WWOX: variants seen among roughly 807,000 people sequenced by gnomAD.
The protein encoded by WWOX is WW domain-containing oxidoreductase.
A neutral mutation model predicts 46.2 loss-of-function variants in WWOX; 69 were observed. The ratio of observed to expected loss-of-function variants is 1.49; its 90% CI spans 1.23 to 1.82. WWOX has a LOEUF of 1.82. Ranked by LOEUF, WWOX falls within the 40% of genes most tolerant of loss-of-function variation. The probability of loss-of-function intolerance (pLI) is 0.00; values close to 1 mark genes in which losing one functional copy is unlikely to be tolerated. For missense variants in WWOX, 919 were observed against 542.6 expected (o/e 1.69, Z -6.89); for synonymous variants, 359 against 202.6 (o/e 1.77, Z -6.56).
At chr16:78,673,387 C>T (rs900858355) in intron 8 of WWOX, among the ~76,000 whole-genome samples, 1 of 152,162 alleles carries the variant, frequency 6.6e-6, no homozygotes, top group Non-Finnish European at 1.5e-5. Context: ...GTTTATTCTC[C>T]AGCCCAGTTA....
intron 8 of WWOX, among the ~76,000 whole-genome samples, chr16:78,930,287 A>AT (rs71140846): frequency 0.26 from 23,176 of 90,056 alleles, 3,265 homozygotes; most frequent in South Asian, 0.37. Flanking sequence ...TTCTTTTTTT[A>AT]TTTTTTTTTT....
intron 8 of WWOX, among the ~76,000 whole-genome samples, chr16:78,775,834 T>A (rs1261479232): frequency 6.6e-6 from 1 of 152,242 alleles, no homozygotes; most frequent in Non-Finnish European, 1.5e-5. Flanking sequence ...TGAGTGAATG[T>A]GATCCTCCGT....
At chr16:78,102,292 C>G (rs1457502451) in intron 1 of WWOX, among the ~76,000 whole-genome samples, 1 of 152,102 alleles carries the variant, frequency 6.6e-6, no homozygotes, top group African/African-American at 2.4e-5. Flanking sequence ...AGGAGAGACC[C>G]CCTGCATGGC....
At chr16:78,705,827 A>G (rs2048316954) in intron 8 of WWOX, among the ~76,000 whole-genome samples, 1 of 152,190 alleles carries the variant, frequency 6.6e-6, no homozygotes, top group Non-Finnish European at 1.5e-5. Flanking sequence ...CAAAAACCCT[A>G]TTCCTATTCC....
chr16:78,848,866 C>T (rs1179747423), intron 8 of WWOX, among the ~76,000 whole-genome samples: 1 of 152,000 alleles, frequency 6.6e-6, no homozygotes, highest in Non-Finnish European at 1.5e-5. Flanking sequence ...CCTTAATGAC[C>T]CGAAAAATCT....
chr16:78,804,432 G>A (rs967454967), intron 8 of WWOX, among the ~76,000 whole-genome samples: 2 of 150,556 alleles, frequency 1.3e-5, no homozygotes, highest in Admixed American at 6.6e-5. Context: ...AAAAAAAAAA[G>A]AAAGAAAGAA....
In WWOX at chr16:79,211,604, C is replaced by G; in HGVS notation, c.1057-4C>G. On this transcript the variant is annotated splice_region_variant and splice_polypyrimidine_tract_variant and intron_variant, in intron 8 of 8. Transcript: ENST00000566780. ...TTTTTTTGTCTTTCTTCTTGGATTTCCAGCAACAGGGAGCTGCCACCACCG... is the reference window on the plus strand; with the variant it reads ...TTTTTTTGTCTTTCTTCTTGGATTTGCAGCAACAGGGAGCTGCCACCACCG... 1 of 1,614,170 alleles carries G rather than the reference C, an allele frequency of 6.2e-7. No individual in the cohort carries two copies. The highest frequency in any genetic ancestry group is 1.1e-5 in the South Asian group (1 of 91,080).
At chr16:78,833,148 C>T (rs1309025474) in intron 8 of WWOX, among the ~76,000 whole-genome samples, 6 of 151,846 alleles carry the variant, frequency 4.0e-5, no homozygotes, top group African/African-American at 1.2e-4. Flanking sequence ...CTCAAGCGAT[C>T]CTCCAGCCTC....
At chr16:78,882,823 C>G (rs1323656761) in intron 8 of WWOX, among the ~76,000 whole-genome samples, 1 of 138,686 alleles carries the variant, frequency 7.2e-6, no homozygotes, top group Non-Finnish European at 1.6e-5. Context: ...ACAATGCCAC[C>G]ATTTAAAAAA....
intron 8 of WWOX, among the ~76,000 whole-genome samples, chr16:78,904,752 C>T (rs992285412): frequency 7.9e-5 from 12 of 152,216 alleles, no homozygotes; most frequent in African/African-American, 2.9e-4. Flanking sequence ...TGATCTGTCA[C>T]ACTTAGTACT....
intron 5 of WWOX, among the ~76,000 whole-genome samples, chr16:78,348,411 A>G (rs9926641): frequency 0.59 from 69,935 of 119,392 alleles, 28,769 homozygotes; most frequent in African/African-American, 0.7. Context: ...GGAATAGGAG[A>G]AAAAAGATCA....
chr16:79,178,568 C>T (rs571832661), intron 8 of WWOX, among the ~76,000 whole-genome samples: 18 of 152,230 alleles, frequency 1.2e-4, no homozygotes, highest in Admixed American at 3.9e-4. Context: ...CCTCCCGCCT[C>T]GACCTCTCAA....
chr16:78,971,956 G>A (rs965380172), intron 8 of WWOX, among the ~76,000 whole-genome samples: 2 of 152,128 alleles, frequency 1.3e-5, no homozygotes, highest in African/African-American at 4.8e-5. Context: ...GCGCACACTC[G>A]GGGAGCATTG....
At chr16:78,917,327 G>C (rs1246832454) in intron 8 of WWOX, among the ~76,000 whole-genome samples, 2 of 152,064 alleles carry the variant, frequency 1.3e-5, no homozygotes, top group East Asian at 3.9e-4. Context: ...ATGGTTCTGT[G>C]GTGTCCCACA....
At chr16:78,227,529 C>T (rs866650271) in intron 5 of WWOX, among the ~76,000 whole-genome samples, 1 of 152,124 alleles carries the variant, frequency 6.6e-6, no homozygotes, top group East Asian at 1.9e-4. Flanking sequence ...TGTATGTGTC[C>T]ACTGGACTTC....
chr16:78,850,515 T>C (rs935513699), intron 8 of WWOX, among the ~76,000 whole-genome samples: 6 of 152,238 alleles, frequency 3.9e-5, no homozygotes, highest in African/African-American at 1.4e-4. Context: ...GTTTTTTTAC[T>C]GCTAAGAATA....
At chr16:78,563,919 G>A (rs963723604) in intron 8 of WWOX, among the ~76,000 whole-genome samples, 1 of 152,192 alleles carries the variant, frequency 6.6e-6, no homozygotes, top group Non-Finnish European at 1.5e-5. Context: ...TTTGACCAAT[G>A]AGGCATTTGG....
intron 8 of WWOX, among the ~76,000 whole-genome samples, chr16:78,877,485 G>C (rs184115919): frequency 6.6e-6 from 1 of 152,298 alleles, no homozygotes. Context: ...CACTTTCTCA[G>C]TGAAGCTGTT....
intron 5 of WWOX, among the ~76,000 whole-genome samples, chr16:78,382,459 C>G (rs528387589): frequency 1.3e-5 from 2 of 152,292 alleles, no homozygotes; most frequent in East Asian, 1.9e-4. Flanking sequence ...GAAGTGTGAG[C>G]AAGTCATAAT....
Sources: gnomAD v4.1 joint callset for allele counts (sites outside exome capture counted in the v4.1 genomes callset) on GRCh38, gnomAD v4.1.1 for gene constraint, MANE v1.5 for transcripts, NCBI Gene and HGNC (gene_info 2026-07-23, HGNC 2026-07-21) for gene names.